Variants in ZNF320 observed in about 807,000 individuals in gnomAD.
ZNF320 encodes zinc finger gene 320.
Under a neutral mutation model 6.8 loss-of-function variants are expected in ZNF320, and 2 were observed. That is an observed-to-expected ratio of 0.29 (90% CI 0.12 to 0.93). The LOEUF is 0.93. Among genes scored for constraint, ZNF320 ranks in the 40% least tolerant of loss-of-function variants. The pLI is 0.55. For synonymous variants in ZNF320, 208 were observed against 203.2 expected (o/e 1.02, Z -0.20); for missense variants, 472 against 611.0 (o/e 0.77, Z 2.40).
exon 6 of ZNF320, among the ~76,000 whole-genome samples, chr19:52,863,280 G>A (rs2063496678): frequency 6.6e-6 from 1 of 152,176 alleles, no homozygotes; most frequent in Non-Finnish European, 1.5e-5. Flanking sequence ...AAGCCTCTGT[G>A]TCTTAAACAA....
chr19:52,896,121 T>C (rs892235835), intron 1 of ZNF320, among the ~76,000 whole-genome samples: 3 of 152,124 alleles, frequency 2.0e-5, no homozygotes, highest in African/African-American at 7.2e-5. Context: ...AGACGGAGTC[T>C]CGCTCTGTCA....
intron 3 of ZNF320, 105 bp from the exon 4 acceptor site, chr19:52,890,433 C>G (rs755897352): frequency 9.2e-5 from 86 of 934,430 alleles, no homozygotes; most frequent in Non-Finnish European, 1.3e-4. Flanking sequence ...ATATGGTCCC[C>G]TCTGCTGCCC....
chr19:52,902,478 G>C (rs2064574314), upstream of ZNF320, among the ~76,000 whole-genome samples: 3 of 152,194 alleles, frequency 2.0e-5, no homozygotes, highest in Admixed American at 2.0e-4. Flanking sequence ...TGGAATATTT[G>C]ATCTATTTCA....
downstream of ZNF320, chr19:52,873,920 A>G: frequency 2.7e-6 from 1 of 372,936 alleles, no homozygotes; most frequent in Non-Finnish European, 5.4e-6. Flanking sequence ...CTCACAGGAG[A>G]CTGACTACTA....
chr19:52,872,779 G>T (rs2063702654), downstream of ZNF320, among the ~76,000 whole-genome samples: 3 of 152,116 alleles, frequency 2.0e-5, no homozygotes, highest in South Asian at 6.2e-4. Flanking sequence ...GGGATTACAG[G>T]CGTGAGCCAC....
At chr19:52,900,086 A>T (rs149050944), upstream of ZNF320, among the ~76,000 whole-genome samples, 1 of 152,194 alleles carries the variant, frequency 6.6e-6, no homozygotes, top group Non-Finnish European at 1.5e-5. Flanking sequence ...CCAATTACAC[A>T]GCTACCTGTC....
At chr19:52,892,921 C>T (rs945622473) in intron 2 of ZNF320, among the ~76,000 whole-genome samples, 6 of 132,524 alleles carry the variant, frequency 4.5e-5, no homozygotes, top group East Asian at 4.3e-4. Context: ...TGTCCCTCTC[C>T]CTACCTTGCT....
chr19:52,883,622 G>A (rs558639862), intron 5 of ZNF320: 1 of 455,244 alleles, frequency 2.2e-6, no homozygotes, highest in East Asian at 7.0e-5. Flanking sequence ...ACTAATGGCC[G>A]GCCACGGTGG....
chr19:52,865,215 G>C (rs2063521520), intron 5 of ZNF320, among the ~76,000 whole-genome samples: 1 of 151,372 alleles, frequency 6.6e-6, no homozygotes, highest in Admixed American at 6.6e-5. Context: ...CCAGCTACTG[G>C]GGAGCCTGAG....
At chr19:52,888,968 G>A (rs939973386) in intron 4 of ZNF320, among the ~76,000 whole-genome samples, 1 of 152,088 alleles carries the variant, frequency 6.6e-6, no homozygotes, top group African/African-American at 2.4e-5. Context: ...GGTGGATCAT[G>A]AGGTCAGCAG....
At chr19:52,903,014 C>A in the ZNF320 span, among the ~76,000 whole-genome samples, 1 of 152,114 alleles carries the variant, frequency 6.6e-6, no homozygotes, top group Non-Finnish European at 1.5e-5. Flanking sequence ...AGGTAAAAAT[C>A]CACATTCTTA....
At chr19:52,871,595 G>C (rs1371694274), downstream of ZNF320, among the ~76,000 whole-genome samples, 3 of 152,092 alleles carry the variant, frequency 2.0e-5, no homozygotes, top group East Asian at 1.9e-4. Context: ...GGTTCTGATG[G>C]CATCAATCCC....
chr19:52,865,621 ATTTATATATGATTATACATATATAT>A (rs2063540824), intron 5 of ZNF320, among the ~76,000 whole-genome samples: 1 of 120,402 alleles, frequency 8.3e-6, no homozygotes, highest in Non-Finnish European at 1.6e-5. Context: ...ATACATATAT[ATTTATATATGATTATACATATATAT>A]TTATATATGA....
At chr19:52,870,912 C>G (rs4803018) in intron 5 of ZNF320, among the ~76,000 whole-genome samples, 6,300 of 152,196 alleles carry the variant, frequency 0.041, 191 homozygotes, top group Middle Eastern at 0.068. Context: ...CTTTGGGAGG[C>G]TGAGGTGAAA....
chr19:52,888,795 A>C (rs1202824865), intron 4 of ZNF320, among the ~76,000 whole-genome samples: 1 of 152,202 alleles, frequency 6.6e-6, no homozygotes, highest in African/African-American at 2.4e-5. Flanking sequence ...TTTTCAAAAT[A>C]TATACGTGTG....
intron 5 of ZNF320, among the ~76,000 whole-genome samples, chr19:52,885,168 C>T (rs2064035917): frequency 6.6e-6 from 1 of 151,992 alleles, no homozygotes; most frequent in South Asian, 2.1e-4. Context: ...CACCACTGCA[C>T]TTTAGCCTGG....
At chr19:52,861,733 T>A in exon 6 of ZNF320, 1 of 276,012 alleles carries the variant, frequency 3.6e-6, no homozygotes, top group South Asian at 4.7e-5. Flanking sequence ...TAATGCTTGA[T>A]GGTTTGCTAT....
chr19:52,866,014 T>TATG (rs573057257), intron 5 of ZNF320, among the ~76,000 whole-genome samples: 48,581 of 103,192 alleles, frequency 0.47, 13,162 homozygotes, highest in African/African-American at 0.57. Flanking sequence ...TATATTTATA[T>TATG]ATTATACATA....
intron 5 of ZNF320, among the ~76,000 whole-genome samples, chr19:52,885,120 G>A (rs1397213245): frequency 6.6e-6 from 1 of 151,470 alleles, no homozygotes; most frequent in African/African-American, 2.4e-5. Flanking sequence ...GAGAATCACT[G>A]GAATTTGGGA....
Sources: gnomAD v4.1 joint callset for allele counts (sites outside exome capture counted in the v4.1 genomes callset) on GRCh38, gnomAD v4.1.1 for gene constraint, MANE v1.5 for transcripts, NCBI Gene and HGNC (gene_info 2026-07-23, HGNC 2026-07-21) for gene names.